The following SOX13 variants were observed in gnomAD, a reference collection of about 807,000 sequenced individuals.
SOX13 encodes SRY-box transcription factor 13, also known as transcription factor SOX-13.
A neutral mutation model predicts 71.8 loss-of-function variants in SOX13; 28 were observed. That is an observed-to-expected ratio of 0.39 (90% CI 0.29 to 0.53). The LOEUF is 0.53. Among genes scored for constraint, SOX13 ranks in the 20% least tolerant of loss-of-function variants. SOX13 has a pLI of 0.70. For synonymous variants in SOX13, 309 were observed against 317.8 expected, an observed-to-expected ratio of 0.97 and a Z score of 0.29; for missense variants, 627 against 810.3, an observed-to-expected ratio of 0.77 and a Z score of 2.75.
At chr1:204,111,001 C>A (rs1296884174) in intron 1 of SOX13, among the ~76,000 whole-genome samples, 1 of 152,158 alleles carries the variant, frequency 6.6e-6, no homozygotes, top group Non-Finnish European at 1.5e-5. Context: ...CCTGGCCTAA[C>A]TCCCAGAGAT....
In SOX13 at chr1:204,125,933, G is replaced by T; in HGVS notation, c.1668G>T (p.Gln556His). The T allele has an allele frequency of 6.2e-7, 1 of 1,613,788 alleles. No individual in the cohort carries two copies. Among genetic ancestry groups the T allele is most frequent in the Non-Finnish European group, 8.5e-7 (1 of 1,179,842 alleles). ...YPRAAGMPLAQPLVEHYVPRS... is the reference protein window; with the variant it reads ...YPRAAGMPLAHPLVEHYVPRS... ...GGGCAGCAGGCATGCCGCTGGCACA[G>T]CCACTGGTGGAGCACTATGTCCCTC... is the stretch of plus-strand genomic sequence containing the variant. The change falls in exon 14 of 14, where the codon CAG becomes CAT. Residue 556 changes from glutamine to histidine, a missense_variant. Physicochemically the swap from Gln to His is conservative, Grantham distance 24. Transcript: ENST00000367204.
intron 4 of SOX13, 170 bp from the exon 5 acceptor site, chr1:204,116,337 A>G (rs770497883): frequency 1.3e-6 from 2 of 1,548,414 alleles, no homozygotes; most frequent in African/African-American, 2.7e-5. Flanking sequence ...CAACATGAAG[A>G]GCCCCCTTCA....
At chr1:204,092,145 T>C (rs76413856) in intron 1 of SOX13, among the ~76,000 whole-genome samples, 2,804 of 152,028 alleles carry the variant, frequency 0.018, 71 homozygotes, top group African/African-American at 0.054. Context: ...GCTCCTGGGC[T>C]CAAGTGATTC....
intron 1 of SOX13, among the ~76,000 whole-genome samples, chr1:204,090,571 GCTAA>G (rs1656121815): frequency 6.6e-6 from 1 of 151,982 alleles, no homozygotes; most frequent in African/African-American, 2.4e-5. Context: ...ACCACACTCG[GCTAA>G]CTTTTTTGTA....
At position 204,113,792 on chromosome 1, in the gene SOX13, G is replaced by A. The variant is rs187386641; in HGVS notation, c.220-529G>A. Among the ~76,000 whole-genome samples the A allele has an allele frequency of 2.3e-4, 35 of 152,252 alleles. No homozygotes were observed. In the East Asian group the frequency reaches 6.8e-3, roughly 29 times the overall value. On this transcript the variant is annotated intron_variant, in intron 2 of 13. Transcript: ENST00000367204. ...GTAGAGCCTCAAGCTAGGCCTTAAA[G>A]GATGGGGAGGACTTTGACGAGAAGA...
intron 1 of SOX13, among the ~76,000 whole-genome samples, chr1:204,106,952 G>A (rs1656483134): frequency 6.6e-6 from 1 of 152,210 alleles, no homozygotes; most frequent in Non-Finnish European, 1.5e-5. Flanking sequence ...TTGATGTTGA[G>A]TTTCTTATTC....
chr1:204,092,709 G>T (rs1656172246), intron 1 of SOX13, among the ~76,000 whole-genome samples: 1 of 152,052 alleles, frequency 6.6e-6, no homozygotes, highest in African/African-American at 2.4e-5. Context: ...AGCATTCCTG[G>T]GCCTACTTGG....
chr1:204,112,500 T>TGCGC (rs942167012), intron 1 of SOX13, among the ~76,000 whole-genome samples: 21 of 51,540 alleles, frequency 4.1e-4, no homozygotes, highest in African/African-American at 9.9e-4. Flanking sequence ...CACACATGCG[T>TGCGC]GCACACACAC....
intron 1 of SOX13, among the ~76,000 whole-genome samples, chr1:204,110,483 A>G (rs532030450): frequency 1.6e-4 from 24 of 152,020 alleles, no homozygotes; most frequent in Non-Finnish European, 2.8e-4. Context: ...ATAATACCTA[A>G]TATAATGTTA....
rs534812294 is a variant in SOX13, at chr1:204,103,931, C to T, written c.-1-8984C>T. Among the ~76,000 whole-genome samples the T allele has an allele frequency of 4.6e-5, 7 of 152,344 alleles. No individual in the cohort carries two copies. In the East Asian group the frequency reaches 1.2e-3, roughly 25 times the overall value. The stretch of plus-strand genomic sequence containing the variant: ...ACACTGGGAGCCTCAATGGCGCTTT[C>T]AAGCAGTCCCATCTGTCTCTTTCTC... On this transcript the variant is annotated intron_variant, in intron 1 of 13. Coordinates refer to ENST00000367204, the MANE Select transcript of SOX13 (RefSeq NM_005686.3).
chr1:204,089,259 G>A (rs74138943), intron 1 of SOX13, among the ~76,000 whole-genome samples: 5,017 of 152,226 alleles, frequency 0.033, 269 homozygotes, highest in African/African-American at 0.11. Context: ...GTGTCTTGGC[G>A]TGCGCTAGAG....
At chr1:204,079,026 C>T (rs1456676955) in intron 1 of SOX13, among the ~76,000 whole-genome samples, 2 of 152,170 alleles carry the variant, frequency 1.3e-5, no homozygotes, top group Non-Finnish European at 2.9e-5. Flanking sequence ...GGGCCGGGCA[C>T]GGTGGCTCAC....
At chr1:204,085,347 T>C (rs991533787) in intron 1 of SOX13, among the ~76,000 whole-genome samples, 2 of 152,170 alleles carry the variant, frequency 1.3e-5, no homozygotes, top group African/African-American at 4.8e-5. Context: ...AATGTAAAGA[T>C]GTAAAGTATA....
intron 1 of SOX13, among the ~76,000 whole-genome samples, chr1:204,083,258 C>T (rs1386198726): frequency 6.6e-6 from 1 of 152,058 alleles, no homozygotes; most frequent in Non-Finnish European, 1.5e-5. Flanking sequence ...CCTCTTGGGC[C>T]AATTGGCCAC....
chr1:204,113,694 A>C (rs1656632349), intron 2 of SOX13, among the ~76,000 whole-genome samples: 1 of 152,166 alleles, frequency 6.6e-6, no homozygotes, highest in Non-Finnish European at 1.5e-5. Context: ...TATGGGCTCT[A>C]AGAAAGAATC....
rs2102271146 is a variant in SOX13 at position 204,127,071 on chromosome 1, TC to T, written c.*940del. On this transcript the variant is annotated 3_prime_UTR_variant, in exon 14 of 14. Transcript: ENST00000367204. ...TCCCTCCCTGGCTCTGCCAGTCGGT[TC>T]CCACGGAGCCATTTTTAGCTCTGAT... is the stretch of plus-strand genomic sequence containing the variant. 6.5e-6 allele frequency: 1 copy of T among 152,684 alleles called. No individual in the cohort carries two copies. Among genetic ancestry groups the T allele is most frequent in the Admixed American group, 6.6e-5 (1 of 15,244 alleles). The allele number at this position is 152,684 out of a possible 1,614,324, so 9.5% of individuals were successfully genotyped here.
intron 7 of SOX13, among the ~76,000 whole-genome samples, chr1:204,121,151 TG>T (rs1311893948): frequency 6.6e-6 from 1 of 152,180 alleles, no homozygotes; most frequent in Admixed American, 6.5e-5. Flanking sequence ...GGCTAATTTT[TG>T]TATTTTTAGT....
Position 204,112,915 on chromosome 1 carries a change from G to T in SOX13, c.-1G>T. 1 of 1,612,924 alleles carries T rather than the reference G, an allele frequency of 6.2e-7. No individual in the cohort carries two copies. Among genetic ancestry groups the T allele is most frequent in the Non-Finnish European group, 8.5e-7 (1 of 1,179,442 alleles). On this transcript the variant is annotated splice_region_variant and 5_prime_UTR_variant, in exon 2 of 14. Transcript: ENST00000367204. ...TCAGCTCACTCTGTCCCTCCCCCAG[G>T]ATGTCCATGAGGAGCCCCATCTCTG... is the stretch of plus-strand genomic sequence containing the variant.
At position 204,109,274 on chromosome 1, in the gene SOX13, CT is replaced by C. The variant is rs560884376; in HGVS notation, c.-1-3640del. Among the ~76,000 whole-genome samples the C allele has an allele frequency of 2.1e-3, 314 of 152,346 alleles. 1 individual carries two copies. The highest frequency in any genetic ancestry group is 7.0e-3 in the African/African-American group (292 of 41,572). On this transcript the variant is annotated intron_variant, in intron 1 of 13. Transcript: ENST00000367204. Reference sequence around the variant, plus strand: ...TTTGAAAGTGGGTGAGCAGGAGAGTCTGGTCTGATCAGCAAGGTGGAATCAA... The same window carrying C: ...TTTGAAAGTGGGTGAGCAGGAGAGTCGGTCTGATCAGCAAGGTGGAATCAA...
Sources: allele counts gnomAD v4.1 joint callset (sites outside exome capture counted in the v4.1 genomes callset), GRCh38; gene constraint gnomAD v4.1.1; transcripts MANE v1.5; gene names NCBI Gene and HGNC (gene_info 2026-07-23, HGNC 2026-07-21).